TXNDC8: variants seen among roughly 807,000 people sequenced by gnomAD.
TXNDC8 encodes the protein thioredoxin domain-containing protein 8.
TXNDC8 carries 15 observed loss-of-function variants against 12.9 expected under a neutral mutation model. That is an observed-to-expected ratio of 1.16 (90% confidence interval 0.78 to 1.79). The LOEUF (loss-of-function observed/expected upper bound fraction) is 1.79, where lower values mean the gene tolerates loss of function less well. TXNDC8 is among the 40% of genes most tolerant of loss of function. The pLI is 0.00. For missense variants in TXNDC8, 128 were observed against 113.2 expected (o/e 1.13, Z -0.59); for synonymous variants, 40 against 35.4 (o/e 1.13, Z -0.46).
intron 3 of TXNDC8, among the ~76,000 whole-genome samples, chr9:110,317,944 G>C (rs141796680): frequency 2.6e-3 from 400 of 152,330 alleles, no homozygotes; most frequent in African/African-American, 9.2e-3. Context: ...ATTCCTGGAG[G>C]GATGGACCAT....
At chr9:110,304,607 T>C in intron 3 of TXNDC8, 75 bp from the exon 5 acceptor site, 2 of 1,390,156 alleles carry the variant, frequency 1.4e-6, no homozygotes, top group South Asian at 2.9e-5. Flanking sequence ...AACTGGTTCT[T>C]TTGGCCTTGG....
chr9:110,332,516 A>T (rs1839584735), intron 2 of TXNDC8, among the ~76,000 whole-genome samples: 1 of 152,226 alleles, frequency 6.6e-6, no homozygotes, highest in African/African-American at 2.4e-5. Context: ...AGGTGGATTA[A>T]AAAAAGTAGA....
At chr9:110,328,986 C>A (rs1839445070) in intron 2 of TXNDC8, among the ~76,000 whole-genome samples, 1 of 152,102 alleles carries the variant, frequency 6.6e-6, no homozygotes, top group Non-Finnish European at 1.5e-5. Context: ...GTGAGGCCTG[C>A]CACAGCATAA....
downstream of TXNDC8, among the ~76,000 whole-genome samples, chr9:110,303,044 A>C (rs895129764): frequency 3.3e-5 from 5 of 151,710 alleles, no homozygotes; most frequent in Non-Finnish European, 2.9e-5. Context: ...AGGCTGGGCA[A>C]CAGAGCAAGA....
downstream of TXNDC8, among the ~76,000 whole-genome samples, chr9:110,302,801 T>G (rs1838294500): frequency 6.6e-6 from 1 of 152,108 alleles, no homozygotes; most frequent in Admixed American, 6.6e-5. Context: ...TGGTGGCTCA[T>G]GCCTGTAATC....
At chr9:110,318,825 A>G (rs1838983766) in intron 3 of TXNDC8, among the ~76,000 whole-genome samples, 1 of 152,204 alleles carries the variant, frequency 6.6e-6, no homozygotes, top group South Asian at 2.1e-4. Flanking sequence ...AAAGTATTAA[A>G]ACTCAGTGCA....
intron 4 of TXNDC8, among the ~76,000 whole-genome samples, chr9:110,304,251 G>A (rs539611680): frequency 1.4e-4 from 21 of 152,266 alleles, no homozygotes; most frequent in Admixed American, 3.9e-4. Flanking sequence ...GTAAAGGGGC[G>A]GTTGAGCCAC....
intron 3 of TXNDC8, among the ~76,000 whole-genome samples, chr9:110,313,439 A>T (rs1375469091): frequency 2.6e-5 from 4 of 152,008 alleles, no homozygotes; most frequent in South Asian, 2.1e-4. Context: ...AGTGGCTCAC[A>T]CCTGTAATCT....
At chr9:110,311,492 G>A (rs1391545159) in intron 3 of TXNDC8, among the ~76,000 whole-genome samples, 7 of 117,828 alleles carry the variant, frequency 5.9e-5, no homozygotes, top group East Asian at 2.6e-4. Flanking sequence ...AAATAAGAGC[G>A]ATGTAAAGAA....
intron 3 of TXNDC8, among the ~76,000 whole-genome samples, chr9:110,316,608 AAAAAC>A (rs2118774630): frequency 6.6e-6 from 1 of 152,358 alleles, no homozygotes; most frequent in East Asian, 1.9e-4. Context: ...AAGAGCCTAT[AAAAAC>A]AATGTTAATT....
intron 1 of TXNDC8, among the ~76,000 whole-genome samples, chr9:110,334,788 T>C (rs1839684125): frequency 2.0e-5 from 3 of 152,182 alleles, no homozygotes; most frequent in Admixed American, 2.0e-4. Flanking sequence ...GGTGGATATC[T>C]ATAATACTGG....
chr9:110,327,315 T>G (rs998281306), intron 2 of TXNDC8, among the ~76,000 whole-genome samples: 18 of 110,820 alleles, frequency 1.6e-4, no homozygotes, highest in Admixed American at 7.6e-4. Flanking sequence ...ACACTAATGT[T>G]TATACTATAT....
At chr9:110,327,307 AC>A (rs1233786501) in intron 2 of TXNDC8, among the ~76,000 whole-genome samples, 1 of 143,342 alleles carries the variant, frequency 7.0e-6, no homozygotes, top group African/African-American at 2.6e-5. Flanking sequence ...AAATTTGTAC[AC>A]TAATGTTTAT....
intron 2 of TXNDC8, chr9:110,329,236 G>C: frequency 6.2e-7 from 1 of 1,612,010 alleles, no homozygotes; most frequent in Non-Finnish European, 8.5e-7. Flanking sequence ...TCTTACCGGA[G>C]AATTGTTCAC....
At chr9:110,303,809 T>A in intron 4 of TXNDC8, 2 of 893,922 alleles carry the variant, frequency 2.2e-6, no homozygotes, top group South Asian at 3.5e-5. Flanking sequence ...CAGATCTCTA[T>A]AATTCTCCAT....
At chr9:110,309,867 G>A (rs1838599453) in intron 3 of TXNDC8, among the ~76,000 whole-genome samples, 2 of 151,392 alleles carry the variant, frequency 1.3e-5, no homozygotes, top group Non-Finnish European at 2.9e-5. Context: ...AAAAAAGTGG[G>A]AAACCAATAA....
Position 110,334,322 on chromosome 9 carries a change from T to G in TXNDC8, c.25-2A>C. The stretch of plus-strand genomic sequence containing the variant: ...TGTCAAAAATGTTTTAAATTCATTC[T>G]GAAAACAGAAAATAAATGAGGAAAT... On this transcript the variant is annotated splice_acceptor_variant, in intron 1 of 4. Transcript: ENST00000423740. LOFTEE classifies it high-confidence loss of function. 1 of 1,610,250 alleles carries G rather than the reference T, an allele frequency of 6.2e-7. No individual in the cohort carries two copies. The highest frequency in any genetic ancestry group is 8.5e-7 in the Non-Finnish European group (1 of 1,176,822).
Position 110,320,292 on chromosome 9 carries a change from C to T in TXNDC8, c.195+5883G>A, listed in dbSNP as rs149922567. Among the ~76,000 whole-genome samples the T allele has an allele frequency of 1.8e-4, 28 of 152,168 alleles. No individual in the cohort carries two copies. The East Asian group carries it at 3.7e-3, about 20-fold the overall frequency. On this transcript the variant is annotated intron_variant, in intron 3 of 4. Coordinates refer to ENST00000423740, the MANE Select transcript of TXNDC8 (RefSeq NM_001286946.2). ...GCAGGAGGTAATTGAATCATGGGGG[C>T]GGGTCTTTCCTGTGCTATTCTCGTG... is the stretch of plus-strand genomic sequence containing the variant.
At chr9:110,318,223 G>T (rs1453006883) in intron 3 of TXNDC8, among the ~76,000 whole-genome samples, 1 of 152,202 alleles carries the variant, frequency 6.6e-6, no homozygotes, top group Non-Finnish European at 1.5e-5. Context: ...GACAAGGAAA[G>T]ACCTCAGAAG....
Sources: gnomAD v4.1 joint callset for allele counts (sites outside exome capture counted in the v4.1 genomes callset) on GRCh38, gnomAD v4.1.1 for gene constraint, MANE v1.5 for transcripts, NCBI Gene and HGNC (gene_info 2026-07-23, HGNC 2026-07-21) for gene names.